The following SMIM35 variants were observed in gnomAD, a reference collection of about 807,000 sequenced individuals.
The protein encoded by SMIM35 is small integral membrane protein 35.
intron 1 of SMIM35, among the ~76,000 whole-genome samples, chr11:118,042,608 A>G (rs1944023184): frequency 6.6e-6 from 1 of 152,246 alleles, no homozygotes; most frequent in Non-Finnish European, 1.5e-5. Context: ...CTCATTTTAT[A>G]AGGCAAATAT....
chr11:118,074,292 A>C (rs531029151), intron 1 of SMIM35, among the ~76,000 whole-genome samples: 1 of 152,128 alleles, frequency 6.6e-6, no homozygotes, highest in South Asian at 2.1e-4. Flanking sequence ...GGGAAGAAGG[A>C]AGAGAAAAAA....
At chr11:118,070,033 A>G (rs1177615511) in intron 1 of SMIM35, among the ~76,000 whole-genome samples, 1 of 152,208 alleles carries the variant, frequency 6.6e-6, no homozygotes, top group Non-Finnish European at 1.5e-5. Flanking sequence ...TCACCAAGGC[A>G]ATACAGCTGG....
chr11:118,070,980 TGA>T (rs1433258467), intron 1 of SMIM35, among the ~76,000 whole-genome samples: 1 of 152,130 alleles, frequency 6.6e-6, no homozygotes, highest in Non-Finnish European at 1.5e-5. Flanking sequence ...TACTCCCTTG[TGA>T]AATGGAGGTA....
chr11:118,039,612 A>C (rs1467388113), intron 1 of SMIM35, among the ~76,000 whole-genome samples: 1 of 151,964 alleles, frequency 6.6e-6, no homozygotes, highest in Non-Finnish European at 1.5e-5. Context: ...TGGGAAGCTG[A>C]GGCGGGAGGA....
chr11:118,086,389 A>G (rs1249860100), intron 1 of SMIM35, among the ~76,000 whole-genome samples: 3 of 152,238 alleles, frequency 2.0e-5, no homozygotes, highest in East Asian at 1.9e-4. Context: ...GTCAGCACCT[A>G]TGTGGTTTAG....
intron 4 of SMIM35, among the ~76,000 whole-genome samples, chr11:118,007,777 G>A (rs1436452803): frequency 1.3e-5 from 2 of 152,078 alleles, no homozygotes; most frequent in African/African-American, 4.8e-5. Flanking sequence ...TCCTGATTAG[G>A]GAGGAGTAGA....
intron 1 of SMIM35, among the ~76,000 whole-genome samples, chr11:118,058,010 C>T (rs981006769): frequency 6.6e-6 from 1 of 152,198 alleles, no homozygotes; most frequent in Non-Finnish European, 1.5e-5. Context: ...TACCTGGCTG[C>T]AGGGTAGGGT....
At chr11:118,014,446 A>ATGGG (rs370236454) in intron 3 of SMIM35, among the ~76,000 whole-genome samples, 42 of 151,760 alleles carry the variant, frequency 2.8e-4, no homozygotes, top group African/African-American at 9.2e-4. Context: ...GGATGGATGG[A>ATGGG]TGGGTGGATG....
At chr11:118,042,621 C>T (rs549186354) in intron 1 of SMIM35, among the ~76,000 whole-genome samples, 1 of 152,240 alleles carries the variant, frequency 6.6e-6, no homozygotes, top group Non-Finnish European at 1.5e-5. Context: ...GCAAATATTA[C>T]CCTGATGTCA....
intron 1 of SMIM35, among the ~76,000 whole-genome samples, chr11:118,080,483 G>GA (rs1335473858): frequency 1.3e-5 from 2 of 152,126 alleles, no homozygotes; most frequent in Non-Finnish European, 2.9e-5. Context: ...CCTGACCCTG[G>GA]GGGTCAAGCT....
At chr11:118,033,653 C>G (rs1041423598) in intron 1 of SMIM35, among the ~76,000 whole-genome samples, 1 of 151,962 alleles carries the variant, frequency 6.6e-6, no homozygotes, top group African/African-American at 2.4e-5. Flanking sequence ...CTCCTGATAC[C>G]GAAAGAAAAG....
At chr11:118,040,752 A>T (rs1943986718) in intron 1 of SMIM35, among the ~76,000 whole-genome samples, 1 of 152,186 alleles carries the variant, frequency 6.6e-6, no homozygotes, top group African/African-American at 2.4e-5. Context: ...ATATATATGT[A>T]AAATACATAA....
chr11:118,009,904 A>G (rs2058141830), intron 4 of SMIM35, among the ~76,000 whole-genome samples: 1 of 152,196 alleles, frequency 6.6e-6, no homozygotes, highest in Admixed American at 6.5e-5. Context: ...ACCAGACCTT[A>G]TACTACATTC....
At chr11:118,029,788 C>G (rs1041918283) in intron 1 of SMIM35, 4 of 457,090 alleles carry the variant, frequency 8.8e-6, no homozygotes, top group Non-Finnish European at 4.4e-6. Flanking sequence ...GGTCCTCCCC[C>G]AGGCTCTATG....
intron 1 of SMIM35, among the ~76,000 whole-genome samples, chr11:118,083,423 G>A (rs776222470): frequency 1.4e-4 from 21 of 152,082 alleles, no homozygotes; most frequent in Non-Finnish European, 2.6e-4. Context: ...CCCCAGATGC[G>A]CTTAGTCCAC....
At chr11:118,078,368 A>G (rs1205379967) in intron 1 of SMIM35, among the ~76,000 whole-genome samples, 1 of 152,206 alleles carries the variant, frequency 6.6e-6, no homozygotes, top group Non-Finnish European at 1.5e-5. Flanking sequence ...GCCACTGTCC[A>G]AGGGGGAAGG....
In SMIM35 at chr11:118,062,880, T is replaced by C. The variant is rs541020913; in HGVS notation, c.7+23871A>G. On this transcript the variant is annotated intron_variant, in intron 1 of 4. Coordinates refer to ENST00000689828, the MANE Select transcript of SMIM35 (RefSeq NM_001394165.1). ...AGGTATTCTAAGTCACAGGAAGAGA[T>C]AGGAGGTCAACACATGATACAGGTC... Among the ~76,000 whole-genome samples the C allele has an allele frequency of 3.3e-5, 5 of 151,926 alleles. 1 individual carries two copies. Among genetic ancestry groups the C allele is most frequent in the Admixed American group, 2.6e-4 (4 of 15,258 alleles).
In SMIM35 at chr11:118,069,487, C is replaced by A. The variant is rs565034753; in HGVS notation, c.7+17264G>T. On this transcript the variant is annotated intron_variant, in intron 1 of 4. Transcript: ENST00000689828. ...AAGTCACTCTACCAACATTTACACA[C>A]CTTTCGTTTGCCAGTCACTGTGCTG... Among the ~76,000 whole-genome samples the A allele has an allele frequency of 1.6e-4, 24 of 152,284 alleles. 1 individual carries two copies. The South Asian group carries it at 4.6e-3, about 29-fold the overall frequency.
intron 1 of SMIM35, among the ~76,000 whole-genome samples, chr11:118,019,447 G>A (rs1012515506): frequency 3.3e-5 from 5 of 152,142 alleles, no homozygotes; most frequent in African/African-American, 1.2e-4. Flanking sequence ...TAAGTTCAGG[G>A]AAGCCCAGGA....
Sources: allele counts gnomAD v4.1 joint callset (sites outside exome capture counted in the v4.1 genomes callset), GRCh38; gene constraint gnomAD v4.1.1; transcripts MANE v1.5; gene names NCBI Gene and HGNC (gene_info 2026-07-23, HGNC 2026-07-21).